UBR4: variants seen among roughly 807,000 people sequenced by gnomAD.
The protein encoded by UBR4 is ubiquitin protein ligase E3 component n-recognin 4.
UBR4 carries 124 observed loss-of-function variants against 575.6 expected under a neutral mutation model. The ratio of observed to expected loss-of-function variants is 0.22; its 90% CI spans 0.19 to 0.25. UBR4 has a LOEUF of 0.25. UBR4 is among the 10% of genes least tolerant of loss of function. The pLI is 1.00. For missense variants in UBR4, 4,818 were observed against 6,478.8 expected (o/e 0.74, Z 8.80); for synonymous variants, 2,455 against 2,473.7 (o/e 0.99, Z 0.22).
chr1:19,159,992 T>C, intron 39 of UBR4, 119 bp downstream of exon 39: 3 of 1,312,124 alleles, frequency 2.3e-6, no homozygotes, highest in Non-Finnish European at 1.0e-6. Context: ...TTCTAAGTTT[T>C]GGATGGCCAA....
intron 10 of UBR4, 26 bp from the exon 11 acceptor site, chr1:19,192,404 A>G: frequency 6.2e-7 from 1 of 1,614,070 alleles, no homozygotes; most frequent in Non-Finnish European, 8.5e-7. Flanking sequence ...CAAAATAAAA[A>G]ACATAATCAT....
In UBR4 at chr1:19,173,424, C is replaced by T; in HGVS notation, c.3165+15G>A. 1 of 1,614,052 alleles carries T rather than the reference C, an allele frequency of 6.2e-7. No homozygotes were observed. Among genetic ancestry groups the T allele is most frequent in the Non-Finnish European group, 8.5e-7 (1 of 1,179,918 alleles). On this transcript the variant is annotated intron_variant, in intron 23 of 105. Transcript: ENST00000375254. ...CTTTGGCTTTGAATAGTCTTAGCAG[C>T]AAGCTCTGTGTTACCTTTATCCAGT...
Position 19,140,895 on chromosome 1 carries a change from G to A in UBR4, c.8489-3C>T, listed in dbSNP as rs779111098. ...GCCCAGGGCACTGCTGCTGCTGCCT[G>A]GGAAACAAGTGGAGAGTGAGCACAA... On this transcript the variant is annotated splice_region_variant and splice_polypyrimidine_tract_variant and intron_variant, in intron 57 of 105. Transcript: ENST00000375254. 2.3e-5 allele frequency: 37 copies of A among 1,604,366 alleles called. No individual in the cohort carries two copies. The highest frequency in any genetic ancestry group is 3.1e-5 in the Non-Finnish European group (37 of 1,176,998).
At chr1:19,148,771 G>T in intron 49 of UBR4, 145 bp from the exon 50 acceptor site, 1 of 817,908 alleles carries the variant, frequency 1.2e-6, no homozygotes. Context: ...CCTGCCACAG[G>T]CACCATGCAT....
chr1:19,137,613 G>A (rs1454118943), intron 60 of UBR4, among the ~76,000 whole-genome samples: 1 of 152,136 alleles, frequency 6.6e-6, no homozygotes, highest in Non-Finnish European at 1.5e-5. Context: ...GCGCTTCTAG[G>A]ACACCTAATA....
At chr1:19,148,731 T>C in intron 49 of UBR4, 105 bp from the exon 50 acceptor site, 1 of 1,218,034 alleles carries the variant, frequency 8.2e-7, no homozygotes, top group Non-Finnish European at 1.2e-6. Flanking sequence ...AGCTAATGAA[T>C]GCCAAATACA....
intron 60 of UBR4, among the ~76,000 whole-genome samples, chr1:19,136,116 T>C (rs2083175651): frequency 6.6e-6 from 1 of 152,116 alleles, no homozygotes; most frequent in South Asian, 2.1e-4. Context: ...CAAATGTAAG[T>C]TCAATAAAGG....
chr1:19,182,898 T>C (rs1351943305), intron 17 of UBR4, among the ~76,000 whole-genome samples: 1 of 147,272 alleles, frequency 6.8e-6, no homozygotes, highest in Non-Finnish European at 1.5e-5. Context: ...TTAAGGAATA[T>C]AGATTATATA....
At position 19,160,964 on chromosome 1, in the gene UBR4, T is replaced by C; in HGVS notation, c.5359A>G (p.Ser1787Gly). 1 of 1,614,212 alleles carries C rather than the reference T, an allele frequency of 6.2e-7. No individual in the cohort carries two copies. Among genetic ancestry groups the C allele is most frequent in the Non-Finnish European group, 8.5e-7 (1 of 1,180,036 alleles). Residue 1787 changes from serine (S) to glycine (G), a missense_variant, in exon 38 of 106, where the codon AGC (serine) becomes GGC (glycine). Ser to Gly is a moderately conservative substitution (Grantham distance 56). Coordinates refer to ENST00000375254, the MANE Select transcript of UBR4 (RefSeq NM_020765.3). Reference protein sequence around the residue: ...VADEEKPKKSSLCRTVEGCRE... With the variant: ...VADEEKPKKSGLCRTVEGCRE... ...CAGCCCTCTACTGTGCGGCAGAGGC[T>C]GCTCTTCTTGGGCTTCTCTTCGTCA... is the stretch of plus-strand genomic sequence containing the variant.
chr1:19,113,658 C>T (rs867548668), intron 77 of UBR4, 41 bp downstream of exon 77: 1 of 1,611,030 alleles, frequency 6.2e-7, no homozygotes. Context: ...ACCAGTAACA[C>T]TTGGACAAAA....
At chr1:19,112,244 T>C in intron 78 of UBR4, 1 of 395,530 alleles carries the variant, frequency 2.5e-6, no homozygotes, top group Non-Finnish European at 4.5e-6. Flanking sequence ...GTGTCTCCCT[T>C]CCCTTCCCTC....
chr1:19,110,351 T>C lies in UBR4; in HGVS notation c.11977+29A>G. The C allele has an allele frequency of 6.2e-7, 1 of 1,613,872 alleles. No homozygotes were observed. Among genetic ancestry groups the C allele is most frequent in the Non-Finnish European group, 8.5e-7 (1 of 1,179,888 alleles). The stretch of plus-strand genomic sequence containing the variant: ...CCAGGACTGCTCCTTTGAGCCTCCT[T>C]TCCTTTCTCTGAAAATCCCCTAACT... On this transcript the variant is annotated intron_variant, in intron 80 of 105. Coordinates refer to ENST00000375254, the MANE Select transcript of UBR4 (RefSeq NM_020765.3). The surrounding 1 kb of genome is among the most constrained non-coding windows in gnomAD (Gnocchi z 4.5).
chr1:19,115,047 TAACTACTGCAGGGGCTACTGAAGGGAC>T, intron 74 of UBR4, 98 bp from the exon 75 acceptor site: 1 of 1,523,778 alleles, frequency 6.6e-7, no homozygotes, highest in East Asian at 2.3e-5. Flanking sequence ...TATACTCTGG[TAACTACTGCAGGGGCTACTGAAGGGAC>T]AATAACAAAT....
rs779842972 is a variant in UBR4, at chr1:19,104,102, G to A, written c.12883C>T (p.Leu4295=). 6.2e-7 allele frequency: 1 copy of A among 1,614,206 alleles called. No homozygotes were observed. Among genetic ancestry groups the A allele is most frequent in the Non-Finnish European group, 8.5e-7 (1 of 1,180,026 alleles). ...DETQDMLLEM[L]EDMTTGTESE... is the part of the protein sequence containing the mutation. ...GTGCTACCTGTGGTCATGTCCTCCAGCATCTCCAGCAGCATGTCCTGCGTC... is the reference window on the plus strand; with the variant it reads ...GTGCTACCTGTGGTCATGTCCTCCAACATCTCCAGCAGCATGTCCTGCGTC... Residue 4295 remains leucine (L), a synonymous_variant, in exon 87 of 106, where the codon CTG becomes TTG. Transcript: ENST00000375254.
chr1:19,153,357 G>C lies in UBR4; in HGVS notation c.6776C>G (p.Pro2259Arg), dbSNP rs1364329550. ...TSYWLQPSLQ[P>R]SSVISIMKPV... ...CTTCATGATGCTGATGACACTGCTG[G>C]GCTGCAGGGATGGCTGCAGCCAGTA... The change falls in exon 46 of 106, where the codon CCC becomes CGC. Residue 2259 changes from proline to arginine, a missense_variant. By Grantham distance (103) the Pro-to-Arg change is moderately radical. Around this residue, in one of 29 missense-constraint regions of UBR4, gnomAD observed 461 missense variants for 606.9 expected, o/e 0.76. Coordinates refer to ENST00000375254, the MANE Select transcript of UBR4 (RefSeq NM_020765.3). This position sits in a 1 kb window ranked among gnomAD's most constrained non-coding sequence, Gnocchi z 4.1. 1.9e-6 allele frequency: 3 copies of C among 1,614,016 alleles called. No homozygotes were observed. Among genetic ancestry groups the C allele is most frequent in the Non-Finnish European group, 2.5e-6 (3 of 1,180,018 alleles).
At chr1:19,150,078 TAAG>T (rs1194731495) in intron 49 of UBR4, among the ~76,000 whole-genome samples, 2 of 152,174 alleles carry the variant, frequency 1.3e-5, no homozygotes, top group Non-Finnish European at 2.9e-5. Flanking sequence ...GCACAATGCT[TAAG>T]AATATGCCAC....
intron 33 of UBR4, among the ~76,000 whole-genome samples, 197 bp downstream of exon 33, chr1:19,164,056 G>C (rs1396322188): frequency 1.3e-5 from 2 of 152,092 alleles, no homozygotes; most frequent in Non-Finnish European, 2.9e-5. Context: ...TGGGAACAAT[G>C]AACAGGAAAC....
In UBR4 at chr1:19,184,087, A is replaced by G; in HGVS notation, c.2027T>C (p.Val676Ala). ...RNNFIRNYLS[V>A]SLSEHHMATL... ...GGCCATATGGTGTTCTGAAAGAGAT[A>G]CACTCAGATAGTTTCGGATAAAATT... is the stretch of plus-strand genomic sequence containing the variant. The change falls in exon 16 of 106, where the codon GTA becomes GCA. Residue 676 changes from valine to alanine, a missense_variant. By Grantham distance (64) the Val-to-Ala change is moderately conservative (BLOSUM62 0). Transcript: ENST00000375254. 3 of 1,614,198 alleles carry G rather than the reference A, an allele frequency of 1.9e-6. No homozygotes were observed. The highest frequency in any genetic ancestry group is 2.5e-6 in the Non-Finnish European group (3 of 1,180,026).
intron 62 of UBR4, 25 bp downstream of exon 62, chr1:19,128,184 TCA>T (rs1362349978): frequency 1.1e-5 from 18 of 1,598,926 alleles, no homozygotes; most frequent in Non-Finnish European, 1.5e-5. Context: ...ATCCTGTTTC[TCA>T]CACAGTCTGC....
Sources: gnomAD v4.1 joint callset for allele counts (sites outside exome capture counted in the v4.1 genomes callset) on GRCh38, gnomAD v4.1.1 for gene constraint, gnomAD v4.1.1 regional missense constraint, Gnocchi (gnomAD v3.1) non-coding constraint, MANE v1.5 for transcripts, NCBI Gene and HGNC (gene_info 2026-07-23, HGNC 2026-07-21) for gene names.